The following RIDA variants were observed in gnomAD, a reference collection of about 807,000 sequenced individuals.
RIDA encodes reactive intermediate imine deaminase A.
In RIDA, 17 loss-of-function variants were observed where a neutral mutation model predicts 17.8. That is an observed-to-expected ratio of 0.96 (90% CI 0.65 to 1.43). The LOEUF (loss-of-function observed/expected upper bound fraction) is 1.43. RIDA is among the 40% of genes most tolerant of loss of function. The pLI, the probability that RIDA is intolerant of heterozygous loss-of-function variation, is 0.00. For synonymous variants in RIDA, 48 were observed against 55.7 expected (o/e 0.86, Z 0.62); for missense variants, 158 against 161.7 (o/e 0.98, Z 0.12).
chr8:98,110,448 T>C (rs545466145), intron 1 of RIDA, among the ~76,000 whole-genome samples: 64 of 152,096 alleles, frequency 4.2e-4, no homozygotes, highest in African/African-American at 1.1e-3. Flanking sequence ...TTAGTAGAGA[T>C]GGGGTTTTGC....
chr8:98,107,855 C>T (rs1022676019), intron 2 of RIDA, among the ~76,000 whole-genome samples: 5 of 152,026 alleles, frequency 3.3e-5, no homozygotes, highest in East Asian at 3.9e-4. Flanking sequence ...CTGCAACCTC[C>T]GCCTTCCGGG....
At chr8:98,109,577 A>G (rs181152355) in intron 1 of RIDA, among the ~76,000 whole-genome samples, 94 of 152,216 alleles carry the variant, frequency 6.2e-4, no homozygotes, top group African/African-American at 2.2e-3. Flanking sequence ...AAATTTAAAC[A>G]TATATTTAAC....
intron 4 of RIDA, among the ~76,000 whole-genome samples, chr8:98,105,614 A>C (rs1032393547): frequency 4.6e-5 from 7 of 152,220 alleles, no homozygotes; most frequent in African/African-American, 7.2e-5. Flanking sequence ...GCTGCACCAT[A>C]CAGCCACAGT....
intron 1 of RIDA, among the ~76,000 whole-genome samples, chr8:98,114,149 C>G (rs924226036): frequency 7.0e-6 from 1 of 143,158 alleles, no homozygotes. Context: ...AGCTGTGATC[C>G]CGGCTCCAGC....
chr8:98,111,288 A>G (rs942831678), intron 1 of RIDA, among the ~76,000 whole-genome samples: 2 of 152,202 alleles, frequency 1.3e-5, no homozygotes, highest in African/African-American at 4.8e-5. Flanking sequence ...TGTTGAAGAA[A>G]GAAGACTTAA....
chr8:98,110,356 G>A (rs1044413473), intron 1 of RIDA, among the ~76,000 whole-genome samples: 1 of 127,844 alleles, frequency 7.8e-6, no homozygotes, highest in Non-Finnish European at 1.7e-5. Context: ...TCCGCCTCCC[G>A]GGTTCAAACA....
rs150706941 is a variant in RIDA, at chr8:98,114,714, G to A, written c.65+2318C>T. 5.5e-3 allele frequency among the ~76,000 whole-genome samples: 841 copies of A among 152,176 alleles called. 3 individuals carry two copies. The highest frequency in any genetic ancestry group is 0.01 in the Non-Finnish European group (705 of 68,020). Reference sequence around the variant, plus strand: ...TGGTATTATTTATGCCCATTGAGAAGACAAAGAAGCAAACTAAGAGAGGTT... The same window carrying A: ...TGGTATTATTTATGCCCATTGAGAAAACAAAGAAGCAAACTAAGAGAGGTT... On this transcript the variant is annotated intron_variant, in intron 1 of 5. Transcript: ENST00000254878.
rs551829206 is a variant in RIDA, at chr8:98,103,771, G to C, written c.351+718C>G. Among the ~76,000 whole-genome samples the C allele has an allele frequency of 3.9e-5, 6 of 152,048 alleles. No homozygotes were observed. In the South Asian group the frequency reaches 1.2e-3, roughly 32 times the overall value. On this transcript the variant is annotated intron_variant, in intron 5 of 5. Transcript: ENST00000254878. ...CCTGCCTCAGCCTCCCGAGTAGCTG[G>C]GACTACAGGCGTCCGCCACCACACC...
At chr8:98,113,320 T>G (rs1193299098) in intron 1 of RIDA, among the ~76,000 whole-genome samples, 1 of 152,228 alleles carries the variant, frequency 6.6e-6, no homozygotes, top group Non-Finnish European at 1.5e-5. Flanking sequence ...TTTGAATTCT[T>G]CCTGGAGAGG....
At position 98,102,835 on chromosome 8, in the gene RIDA, G is replaced by A. The variant is rs373248501; in HGVS notation, c.*7C>T. ...AACAATTCCAGACTACACAGCACTG[G>A]GCCCACTTATAGTGATGCCGTTGTC... On this transcript the variant is annotated 3_prime_UTR_variant, in exon 6 of 6. Coordinates refer to ENST00000254878, the MANE Select transcript of RIDA (RefSeq NM_005836.3). 25 of 1,600,620 alleles carry A rather than the reference G, an allele frequency of 1.6e-5. No individual in the cohort carries two copies. The highest frequency in any genetic ancestry group is 2.1e-5 in the Non-Finnish European group (24 of 1,169,444).
At chr8:98,115,535 T>C (rs1171128926) in intron 1 of RIDA, among the ~76,000 whole-genome samples, 1 of 149,782 alleles carries the variant, frequency 6.7e-6, no homozygotes, top group African/African-American at 2.5e-5. Flanking sequence ...AAAACATCAC[T>C]TGAAAGTTTT....
rs371889684 is a variant in RIDA at position 98,117,058 on chromosome 8, T to G, written c.39A>C (p.Lys13Asn). ...SLIRRVISTA[K>N]APGAIGPYSQ... ...TGTAGGGTCCAATGGCCCCTGGGGC[T>G]TTCGCGGTGCTGATCACCCTTCTGA... The change falls in exon 1 of 6, where the codon AAA becomes AAC. Residue 13 changes from lysine (K) to asparagine (N), a missense_variant. By Grantham distance (94) the Lys-to-Asn change is moderately conservative. Transcript: ENST00000254878. 6.2e-7 allele frequency: 1 copy of G among 1,614,072 alleles called. No individual in the cohort carries two copies. The highest frequency in any genetic ancestry group is 8.5e-7 in the Non-Finnish European group (1 of 1,180,012).
chr8:98,108,823 G>T, intron 1 of RIDA, 72 bp from the exon 2 acceptor site: 2 of 897,442 alleles, frequency 2.2e-6, no homozygotes, highest in Non-Finnish European at 3.7e-6. Flanking sequence ...AGACTTTTTT[G>T]ATAGGACAGA....
At chr8:98,109,761 A>G (rs1815693222) in intron 1 of RIDA, among the ~76,000 whole-genome samples, 1 of 152,000 alleles carries the variant, frequency 6.6e-6, no homozygotes, top group African/African-American at 2.4e-5. Flanking sequence ...ATGCCTGGCT[A>G]ATTTTTTATT....
chr8:98,102,836 G>T lies in RIDA; in HGVS notation c.*6C>A. 1 of 1,601,632 alleles carries T rather than the reference G, an allele frequency of 6.2e-7. No individual in the cohort carries two copies. Among genetic ancestry groups the T allele is most frequent in the Non-Finnish European group, 8.5e-7 (1 of 1,170,266 alleles). On this transcript the variant is annotated 3_prime_UTR_variant, in exon 6 of 6. Transcript: ENST00000254878. ...ACAATTCCAGACTACACAGCACTGG[G>T]CCCACTTATAGTGATGCCGTTGTCA...
At position 98,104,430 on chromosome 8, in the gene RIDA, G is replaced by A. The variant is rs566083727; in HGVS notation, c.351+59C>T. On this transcript the variant is annotated intron_variant, in intron 5 of 5. Coordinates refer to ENST00000254878, the MANE Select transcript of RIDA (RefSeq NM_005836.3). ...TTTCACAGTGCTTAGTTTACTTATAGAAGGAAAACAATGTAGAAACTGAAA... is the reference window on the plus strand; with the variant it reads ...TTTCACAGTGCTTAGTTTACTTATAAAAGGAAAACAATGTAGAAACTGAAA... 1.9e-5 allele frequency: 21 copies of A among 1,081,400 alleles called. No homozygotes were observed. In the South Asian group the frequency reaches 2.7e-4, roughly 14 times the overall value. The allele number at this position is 1,081,400 out of a possible 1,614,324, so 67.0% of individuals were successfully genotyped here. A position where few individuals can be genotyped will look rare whatever the true frequency, so the allele number is the denominator to read the frequency against.
At chr8:98,108,021 C>T (rs574536738) in intron 2 of RIDA, among the ~76,000 whole-genome samples, 1 of 150,744 alleles carries the variant, frequency 6.6e-6, no homozygotes, top group African/African-American at 2.5e-5. Context: ...CTGCCCGCCT[C>T]GGCCTCCCAA....
At chr8:98,113,195 T>C (rs1371545434) in intron 1 of RIDA, among the ~76,000 whole-genome samples, 2 of 152,218 alleles carry the variant, frequency 1.3e-5, no homozygotes, top group Non-Finnish European at 2.9e-5. Flanking sequence ...AGCAATGCAA[T>C]GTTGAAATCT....
At chr8:98,106,474 G>A (rs1030112108) in intron 2 of RIDA, 148 bp from the exon 3 acceptor site, 14 of 637,500 alleles carry the variant, frequency 2.2e-5, no homozygotes, top group Non-Finnish European at 3.6e-5. Context: ...GTGTTTCTTG[G>A]CTTTCCTTTA....
Sources: allele counts gnomAD v4.1 joint callset (sites outside exome capture counted in the v4.1 genomes callset), GRCh38; gene constraint gnomAD v4.1.1; transcripts MANE v1.5; gene names NCBI Gene and HGNC (gene_info 2026-07-23, HGNC 2026-07-21).